Variants in SULT4A1 observed in about 807,000 individuals in gnomAD.
The protein encoded by SULT4A1 is sulfotransferase family 4A member 1.
SULT4A1 carries 11 observed loss-of-function variants against 35.2 expected under a neutral mutation model. That is an observed-to-expected ratio of 0.31 (90% CI 0.20 to 0.52). The LOEUF is 0.52. Among genes scored for constraint, SULT4A1 ranks in the 20% least tolerant of loss-of-function variants. The pLI is 0.97. For synonymous variants in SULT4A1, 152 were observed against 151.8 expected (o/e 1.00, Z -0.01); for missense variants, 271 against 383.7 (o/e 0.71, Z 2.45).
rs775673320 is a variant in SULT4A1, at chr22:43,833,688, G to A, written c.555C>T (p.His185=). Reference sequence around the variant, plus strand: ...GAAAAAGCACGTTCGAGTCCATGCGGTGCTCCCAGAACTCCTGCACGTGCT... The same window carrying A: ...GAAAAAGCACGTTCGAGTCCATGCGATGCTCCCAGAACTCCTGCACGTGCT... ...WFEHVQEFWE[H]RMDSNVLFLK... The change falls in exon 5 of 7, where the codon CAC becomes CAT. Residue 185 remains histidine, a synonymous_variant. Coordinates refer to ENST00000330884, the MANE Select transcript of SULT4A1 (RefSeq NM_014351.4). 1.3e-6 allele frequency: 2 copies of A among 1,591,130 alleles called. No individual in the cohort carries two copies. The highest frequency in any genetic ancestry group is 1.8e-5 in the Admixed American group (1 of 56,824).
At chr22:43,836,872 C>A (rs2063381386) in intron 4 of SULT4A1, among the ~76,000 whole-genome samples, 1 of 152,232 alleles carries the variant, frequency 6.6e-6, no homozygotes, top group African/African-American at 2.4e-5. Flanking sequence ...ACTGCAGGTG[C>A]CACAGGGAGC....
At chr22:43,839,508 C>T (rs1391300858) in intron 3 of SULT4A1, among the ~76,000 whole-genome samples, 1 of 152,136 alleles carries the variant, frequency 6.6e-6, no homozygotes, top group Non-Finnish European at 1.5e-5. Context: ...GCAGGAGAAT[C>T]GCTTGAACCA....
In SULT4A1 at chr22:43,826,818, G is replaced by A. The variant is rs942807563; in HGVS notation, c.743-705C>T. ...ACATGCACTGCAGTGAGAATTCCCTGAGTCAACAATAAAATGAGTCTGGGC... is the reference window on the plus strand; with the variant it reads ...ACATGCACTGCAGTGAGAATTCCCTAAGTCAACAATAAAATGAGTCTGGGC... On this transcript the variant is annotated intron_variant, in intron 6 of 6. Coordinates refer to ENST00000330884, the MANE Select transcript of SULT4A1 (RefSeq NM_014351.4). 3.0e-6 allele frequency: 3 copies of A among 985,290 alleles called. No homozygotes were observed. The Admixed American group carries it at 1.8e-4, about 61-fold the overall frequency. 61.0% of individuals were successfully genotyped at this position (985,290 alleles called of 1,614,324 possible). A position where few individuals can be genotyped will look rare whatever the true frequency, so the allele number is the denominator to read the frequency against.
chr22:43,857,226 C>T (rs1330919302), intron 1 of SULT4A1, among the ~76,000 whole-genome samples: 1 of 151,754 alleles, frequency 6.6e-6, no homozygotes, highest in Non-Finnish European at 1.5e-5. Context: ...CAGAGATTAC[C>T]CAAACTGGAA....
At chr22:43,840,634 C>A (rs1268678096) in intron 2 of SULT4A1, among the ~76,000 whole-genome samples, 3 of 152,190 alleles carry the variant, frequency 2.0e-5, no homozygotes, top group Non-Finnish European at 4.4e-5. Flanking sequence ...CAGGCTGGCG[C>A]TGGACCGCAC....
intron 5 of SULT4A1, among the ~76,000 whole-genome samples, chr22:43,833,423 G>C (rs375017259): frequency 6.6e-6 from 1 of 150,410 alleles, no homozygotes; most frequent in Non-Finnish European, 1.5e-5. Flanking sequence ...CCTCAGCCTC[G>C]CACGGCATGG....
At chr22:43,827,378 C>T (rs1000575929) in intron 6 of SULT4A1, 2 of 1,138,778 alleles carry the variant, frequency 1.8e-6, no homozygotes, top group African/African-American at 3.3e-5. Context: ...GAGAGAAAAA[C>T]AAGAAAAATT....
chr22:43,848,616 T>G (rs1482738473), intron 1 of SULT4A1, among the ~76,000 whole-genome samples: 1 of 152,108 alleles, frequency 6.6e-6, no homozygotes, highest in African/African-American at 2.4e-5. Context: ...CAGGGCCAGG[T>G]GGGGCCAAGG....
At chr22:43,845,938 C>T (rs12170290) in intron 1 of SULT4A1, among the ~76,000 whole-genome samples, 6,246 of 152,250 alleles carry the variant, frequency 0.041, 459 homozygotes, top group African/African-American at 0.14. Flanking sequence ...AACTGTCTTC[C>T]GCAAAACCAC....
chr22:43,840,666 C>G (rs1448472791), intron 2 of SULT4A1, among the ~76,000 whole-genome samples: 1 of 152,196 alleles, frequency 6.6e-6, no homozygotes, highest in Non-Finnish European at 1.5e-5. Context: ...CTGATGCGCT[C>G]ACTGCTTCCA....
chr22:43,858,733 C>G (rs576942726), intron 1 of SULT4A1, among the ~76,000 whole-genome samples: 1 of 137,102 alleles, frequency 7.3e-6, no homozygotes, highest in African/African-American at 2.7e-5. Context: ...TCTCTTACCC[C>G]CTCCTGTGGG....
chr22:43,862,152 C>G (rs1372634610), intron 1 of SULT4A1, 62 bp downstream of exon 1: 5 of 1,296,276 alleles, frequency 3.9e-6, no homozygotes, highest in Non-Finnish European at 3.9e-6. Flanking sequence ...GGCGCGGCGT[C>G]TACGCGGCCG....
intron 1 of SULT4A1, among the ~76,000 whole-genome samples, chr22:43,859,237 T>C (rs1345975146): frequency 1.3e-5 from 2 of 152,170 alleles, no homozygotes; most frequent in African/African-American, 4.8e-5. Flanking sequence ...TGTCTGAAAA[T>C]GTAAGACTTA....
intron 1 of SULT4A1, among the ~76,000 whole-genome samples, chr22:43,860,254 C>T (rs187701071): frequency 6.6e-6 from 1 of 152,284 alleles, no homozygotes; most frequent in East Asian, 1.9e-4. Flanking sequence ...TGGCTACTTG[C>T]CCCAACCCCA....
At chr22:43,853,333 G>A (rs1447046619) in intron 1 of SULT4A1, among the ~76,000 whole-genome samples, 1 of 152,242 alleles carries the variant, frequency 6.6e-6, no homozygotes, top group East Asian at 1.9e-4. Context: ...AACAGATGGG[G>A]CAGTTGCTGG....
intron 4 of SULT4A1, among the ~76,000 whole-genome samples, chr22:43,837,263 C>T (rs1181859456): frequency 3.3e-5 from 5 of 152,228 alleles, no homozygotes; most frequent in African/African-American, 1.2e-4. Flanking sequence ...TGTGTGGGAC[C>T]TTGCACTCAG....
rs545545859 is a variant in SULT4A1, at chr22:43,860,526, A to G, written c.169+1688T>C. ...CTCCCTCCGCAGAGACCACAGCTCA[A>G]TGGGATTCTATGATCTGCCCAGGGT... On this transcript the variant is annotated intron_variant, in intron 1 of 6. Coordinates refer to ENST00000330884, the MANE Select transcript of SULT4A1 (RefSeq NM_014351.4). Among the ~76,000 whole-genome samples, 10 of 152,292 alleles carry G rather than the reference A, an allele frequency of 6.6e-5. No individual in the cohort carries two copies. In the East Asian group the frequency reaches 7.7e-4, roughly 12 times the overall value.
At chr22:43,857,142 TTGAA>T in intron 1 of SULT4A1, among the ~76,000 whole-genome samples, 1 of 151,738 alleles carries the variant, frequency 6.6e-6, no homozygotes, top group South Asian at 2.1e-4. Context: ...AACAGAAACA[TTGAA>T]TGCTTCTGAC....
At chr22:43,842,974 C>CATCT (rs948474166) in intron 1 of SULT4A1, among the ~76,000 whole-genome samples, 1 of 38,748 alleles carries the variant, frequency 2.6e-5, no homozygotes, top group African/African-American at 1.1e-4. Flanking sequence ...CAGTAAACAG[C>CATCT]ATCTCTCTCT....
Sources: allele counts gnomAD v4.1 joint callset (sites outside exome capture counted in the v4.1 genomes callset), GRCh38; gene constraint gnomAD v4.1.1; transcripts MANE v1.5; gene names NCBI Gene and HGNC (gene_info 2026-07-23, HGNC 2026-07-21).